The following SLC24A2 variants were observed in gnomAD, a reference collection of about 807,000 sequenced individuals.
SLC24A2 encodes sodium/potassium/calcium exchanger 2.
Under a neutral mutation model 62.0 loss-of-function variants are expected in SLC24A2, and 36 were observed. The ratio of observed to expected loss-of-function variants is 0.58; its 90% CI spans 0.44 to 0.77. The LOEUF is 0.77. Among genes scored for constraint, SLC24A2 ranks in the 30% least tolerant of loss-of-function variants. The pLI is 0.00. For synonymous variants in SLC24A2, 358 were observed against 294.0 expected (o/e 1.22, Z -2.23); for missense variants, 846 against 817.9 (o/e 1.03, Z -0.42).
chr9:20,189,092 T>TTC, the SLC24A2 span, among the ~76,000 whole-genome samples: 772 of 142,834 alleles, frequency 5.4e-3, 10 homozygotes, highest in African/African-American at 0.017. Flanking sequence ...TTTTTTTTTT[T>TTC]CCCAGTTGAT....
intron 2 of SLC24A2, among the ~76,000 whole-genome samples, chr9:19,714,142 C>A: frequency 6.6e-6 from 1 of 152,216 alleles, no homozygotes; most frequent in East Asian, 1.9e-4. Flanking sequence ...CTTTCTACAA[C>A]AACACACACT....
At chr9:20,253,551 G>A in the SLC24A2 span, among the ~76,000 whole-genome samples, 1 of 152,184 alleles carries the variant, frequency 6.6e-6, no homozygotes, top group South Asian at 2.1e-4. Flanking sequence ...CTCCGCACTG[G>A]GATCATCTTG....
the SLC24A2 span, among the ~76,000 whole-genome samples, chr9:20,226,001 G>A: frequency 1.3e-5 from 2 of 152,080 alleles, no homozygotes; most frequent in African/African-American, 2.4e-5. Context: ...AGGAGGAAAC[G>A]GGATCATACA....
At chr9:19,924,124 G>T in the SLC24A2 span, among the ~76,000 whole-genome samples, 3 of 152,230 alleles carry the variant, frequency 2.0e-5, no homozygotes, top group Non-Finnish European at 4.4e-5. Context: ...AGGGAGCAGA[G>T]CAGCTGGCTG....
the SLC24A2 span, among the ~76,000 whole-genome samples, chr9:19,869,665 A>T: frequency 1.3e-5 from 2 of 152,226 alleles, no homozygotes; most frequent in African/African-American, 4.8e-5. Context: ...GATAATTAAA[A>T]AAGCTGTGTC....
At chr9:19,648,779 A>G (rs1376039973) in intron 2 of SLC24A2, among the ~76,000 whole-genome samples, 4 of 152,158 alleles carry the variant, frequency 2.6e-5, no homozygotes, top group Admixed American at 2.6e-4. Context: ...TTTTTAAAAC[A>G]TTCTATAAAA....
Position 19,516,267 on chromosome 9 carries a change from G to A in SLC24A2, c.1872C>T (p.Cys624=). 1.9e-6 allele frequency: 3 copies of A among 1,614,188 alleles called. No homozygotes were observed. The highest frequency in any genetic ancestry group is 1.3e-5 in the African/African-American group (1 of 75,044). ...LLFVILSIAL[C]KWRMNKILGF... is the part of the protein sequence containing the mutation. ...CCAGGATTTTGTTCATTCGCCACTTGCAGAGGGCGATAGAGAGGATGACGA... is the reference window on the plus strand; with the variant it reads ...CCAGGATTTTGTTCATTCGCCACTTACAGAGGGCGATAGAGAGGATGACGA... The change falls in exon 11 of 11, where the codon TGC becomes TGT. Residue 624 remains cysteine, a synonymous_variant. Transcript: ENST00000341998.
chr9:19,727,621 T>A (rs141916010), intron 2 of SLC24A2, among the ~76,000 whole-genome samples: 54 of 152,326 alleles, frequency 3.5e-4, no homozygotes, highest in African/African-American at 1.3e-3. Flanking sequence ...TGAATGAATA[T>A]GACATCTTCC....
At chr9:20,022,750 A>G in the SLC24A2 span, among the ~76,000 whole-genome samples, 1 of 151,816 alleles carries the variant, frequency 6.6e-6, no homozygotes. Flanking sequence ...TCAAACAAAC[A>G]AACTGAATCC....
At chr9:20,229,032 G>A in the SLC24A2 span, among the ~76,000 whole-genome samples, 1 of 152,152 alleles carries the variant, frequency 6.6e-6, no homozygotes, top group Non-Finnish European at 1.5e-5. Flanking sequence ...GGTGTGAGGT[G>A]TGACATAACT....
chr9:19,778,793 A>C (rs934414870), intron 2 of SLC24A2, among the ~76,000 whole-genome samples: 2 of 152,188 alleles, frequency 1.3e-5, no homozygotes, highest in African/African-American at 4.8e-5. Context: ...AGTTTAAAAA[A>C]ATTTCATGGT....
At chr9:20,162,393 C>A in the SLC24A2 span, among the ~76,000 whole-genome samples, 1 of 151,576 alleles carries the variant, frequency 6.6e-6, no homozygotes, top group East Asian at 2.0e-4. Flanking sequence ...TCATAAAATA[C>A]TCTTGAAACA....
intron 5 of SLC24A2, among the ~76,000 whole-genome samples, chr9:19,583,561 G>C (rs1836268574): frequency 6.6e-6 from 1 of 152,044 alleles, no homozygotes; most frequent in Non-Finnish European, 1.5e-5. Flanking sequence ...TGTGTTCATG[G>C]TTTCTAGGCA....
chr9:20,134,797 C>T, the SLC24A2 span, among the ~76,000 whole-genome samples: 1 of 152,154 alleles, frequency 6.6e-6, no homozygotes, highest in East Asian at 1.9e-4. Context: ...TCAAGTGACT[C>T]ACTAAATTCT....
the SLC24A2 span, among the ~76,000 whole-genome samples, chr9:20,240,520 A>AG: frequency 2.0e-5 from 3 of 152,212 alleles, no homozygotes; most frequent in African/African-American, 7.2e-5. Flanking sequence ...AGTAAGAAGT[A>AG]GGGGGTGAAG....
the SLC24A2 span, among the ~76,000 whole-genome samples, chr9:20,008,231 T>C: frequency 6.6e-6 from 1 of 151,948 alleles, no homozygotes; most frequent in Non-Finnish European, 1.5e-5. Context: ...CTGGGCTATG[T>C]CCTCTCCCCA....
the SLC24A2 span, among the ~76,000 whole-genome samples, chr9:20,191,847 C>G: frequency 6.6e-6 from 1 of 152,012 alleles, no homozygotes; most frequent in African/African-American, 2.4e-5. Flanking sequence ...ACAAAACCAA[C>G]TATACTTGAG....
the SLC24A2 span, among the ~76,000 whole-genome samples, chr9:19,894,096 T>C: frequency 6.6e-6 from 1 of 152,136 alleles, no homozygotes; most frequent in Non-Finnish European, 1.5e-5. Flanking sequence ...CCAGCTAAAT[T>C]CAGGATTTAT....
the SLC24A2 span, among the ~76,000 whole-genome samples, chr9:20,251,611 C>T: frequency 8.5e-5 from 13 of 152,244 alleles, no homozygotes; most frequent in East Asian, 1.9e-4. Flanking sequence ...TCAGGAATTA[C>T]GTAATAAACT....
Sources: gnomAD v4.1 joint callset for allele counts (sites outside exome capture counted in the v4.1 genomes callset) on GRCh38, gnomAD v4.1.1 for gene constraint, MANE v1.5 for transcripts, NCBI Gene and HGNC (gene_info 2026-07-23, HGNC 2026-07-21) for gene names.